Variants in TCF12 observed in about 807,000 individuals in gnomAD.
The protein encoded by TCF12 is transcription factor 12, also known as DNA-binding protein HTF4.
A neutral mutation model predicts 86.0 loss-of-function variants in TCF12; 45 were observed. That is an observed-to-expected ratio of 0.52 (90% CI 0.41 to 0.67). The LOEUF (loss-of-function observed/expected upper bound fraction) is 0.67. Ranked by LOEUF, TCF12 falls within the 30% of genes least tolerant of loss-of-function variation. TCF12 has a pLI of 0.00. For synonymous variants in TCF12, 330 were observed against 299.6 expected (o/e 1.10, Z -1.05); for missense variants, 881 against 859.9 (o/e 1.02, Z -0.31).
At chr15:57,013,637 A>G (rs1261078445) in intron 3 of TCF12, among the ~76,000 whole-genome samples, 8 of 152,190 alleles carry the variant, frequency 5.3e-5, no homozygotes, top group Admixed American at 4.6e-4. Flanking sequence ...AAGTGTTTCA[A>G]AAGTCCTGTA....
chr15:57,219,519 A>G, intron 8 of TCF12: 1 of 1,611,068 alleles, frequency 6.2e-7, no homozygotes, highest in Non-Finnish European at 8.5e-7. Context: ...TTTCAAAATC[A>G]ACATGTATTG....
At chr15:57,290,112 A>G (rs543161810), downstream of TCF12, among the ~76,000 whole-genome samples, 52 of 151,994 alleles carry the variant, frequency 3.4e-4, no homozygotes, top group East Asian at 9.7e-4. Flanking sequence ...TGGGAGGCCA[A>G]TGCGAGCGAT....
At chr15:57,075,048 A>G (rs756020569) in intron 4 of TCF12, among the ~76,000 whole-genome samples, 8 of 152,150 alleles carry the variant, frequency 5.3e-5, no homozygotes, top group African/African-American at 1.2e-4. Context: ...ATAAAATGAA[A>G]TAATTATTTA....
At chr15:57,278,950 T>A (rs2152121117) in intron 19 of TCF12, among the ~76,000 whole-genome samples, 1 of 151,168 alleles carries the variant, frequency 6.6e-6, no homozygotes, top group South Asian at 2.1e-4. Context: ...TCCTTTTTTT[T>A]TTTTCTCCTT....
At chr15:56,943,705 G>A (rs1230277857) in intron 3 of TCF12, among the ~76,000 whole-genome samples, 2 of 152,040 alleles carry the variant, frequency 1.3e-5, no homozygotes, top group Non-Finnish European at 2.9e-5. Context: ...CATGGACAGT[G>A]GTTTAATATC....
chr15:57,005,659 C>T (rs1439928622), intron 3 of TCF12, among the ~76,000 whole-genome samples: 1 of 152,156 alleles, frequency 6.6e-6, no homozygotes, highest in African/African-American at 2.4e-5. Flanking sequence ...GCCTTGGCTT[C>T]CTGGGCTCAA....
intron 5 of TCF12, among the ~76,000 whole-genome samples, chr15:57,114,369 C>A: frequency 6.6e-6 from 1 of 152,168 alleles, no homozygotes; most frequent in East Asian, 1.9e-4. Context: ...TGGCTTACTG[C>A]AGCCTTGGCC....
rs926312412 is a variant in TCF12, at chr15:57,198,373, G to T, written c.579+548G>T. ...CTTCATTAAGCCTTTCCTAACTTCA[G>T]CCTAGCATCAGGAAAGCTTTCAAGC... On this transcript the variant is annotated intron_variant, in intron 8 of 20. Transcript: ENST00000333725. 7.2e-5 allele frequency among the ~76,000 whole-genome samples: 11 copies of T among 152,062 alleles called. 1 individual carries two copies. In the South Asian group the frequency reaches 2.1e-3, roughly 29 times the overall value.
chr15:57,055,637 A>T (rs1202086134), intron 3 of TCF12, among the ~76,000 whole-genome samples: 2 of 152,010 alleles, frequency 1.3e-5, no homozygotes, highest in Non-Finnish European at 2.9e-5. Flanking sequence ...GCTGGCATTC[A>T]TAGTTTCTGA....
chr15:57,072,034 A>G (rs1280449789), intron 4 of TCF12, among the ~76,000 whole-genome samples: 2 of 152,200 alleles, frequency 1.3e-5, no homozygotes, highest in African/African-American at 4.8e-5. Context: ...TTTATACACA[A>G]AATGTTTTAT....
chr15:57,245,004 T>C (rs1307311448), intron 13 of TCF12, among the ~76,000 whole-genome samples: 1 of 152,244 alleles, frequency 6.6e-6, no homozygotes, highest in Non-Finnish European at 1.5e-5. Context: ...AAAAATATGT[T>C]AGATTGTTTT....
intron 3 of TCF12, among the ~76,000 whole-genome samples, chr15:56,960,447 T>G (rs199969891): frequency 1.5e-4 from 19 of 129,566 alleles, no homozygotes; most frequent in Non-Finnish European, 6.9e-5. Context: ...TTTTTTTTTT[T>G]GAGATGGAGT....
At position 57,242,546 on chromosome 15, in the gene TCF12, A is replaced by C. The variant is rs572847124; in HGVS notation, c.1036-926A>C. Among the ~76,000 whole-genome samples the C allele has an allele frequency of 2.6e-5, 4 of 152,316 alleles. No individual in the cohort carries two copies. The South Asian group carries it at 8.3e-4, about 32-fold the overall frequency. On this transcript the variant is annotated intron_variant, in intron 12 of 20. Transcript: ENST00000333725. Reference sequence around the variant, plus strand: ...GCTCGGCATGGTGGCATGCACTCGTAGTCTGAGCTACTAGGGAAGCTGAGA... The same window carrying C: ...GCTCGGCATGGTGGCATGCACTCGTCGTCTGAGCTACTAGGGAAGCTGAGA...
intron 3 of TCF12, among the ~76,000 whole-genome samples, chr15:57,034,108 A>C (rs553095125): frequency 6.6e-6 from 1 of 152,328 alleles, no homozygotes; most frequent in South Asian, 2.1e-4. Flanking sequence ...GATACAGTTT[A>C]ACACTTCATT....
intron 6 of TCF12, among the ~76,000 whole-genome samples, chr15:57,188,623 C>T (rs1276240538): frequency 1.3e-5 from 2 of 152,082 alleles, no homozygotes; most frequent in African/African-American, 2.4e-5. Context: ...AATTTGGAGT[C>T]CAGAAGTAAA....
chr15:57,010,940 A>C (rs2064793959), intron 3 of TCF12, among the ~76,000 whole-genome samples: 1 of 152,158 alleles, frequency 6.6e-6, no homozygotes. Context: ...GGTAGAACTG[A>C]ACTTTTAAAA....
intron 19 of TCF12, among the ~76,000 whole-genome samples, chr15:57,280,383 T>G (rs1451730052): frequency 2.6e-5 from 4 of 152,224 alleles, no homozygotes; most frequent in Non-Finnish European, 5.9e-5. Flanking sequence ...TATAGTTGTA[T>G]AGGCTCTATG....
chr15:57,148,710 A>AAG (rs2053542467), intron 5 of TCF12, among the ~76,000 whole-genome samples: 1 of 151,048 alleles, frequency 6.6e-6, no homozygotes, highest in South Asian at 2.1e-4. Flanking sequence ...GCAAAAAAAA[A>AAG]AAAAAAAAAT....
At chr15:56,945,357 G>T (rs1423248110) in intron 3 of TCF12, among the ~76,000 whole-genome samples, 2 of 151,838 alleles carry the variant, frequency 1.3e-5, no homozygotes, top group African/African-American at 4.8e-5. Flanking sequence ...TCATTTCTTT[G>T]TGTATATTCA....
Sources: allele counts gnomAD v4.1 joint callset (sites outside exome capture counted in the v4.1 genomes callset), GRCh38; gene constraint gnomAD v4.1.1; transcripts MANE v1.5; gene names NCBI Gene and HGNC (gene_info 2026-07-23, HGNC 2026-07-21).